The following RORA variants were observed in gnomAD, a reference collection of about 807,000 sequenced individuals.
RORA encodes the protein nuclear receptor ROR-alpha.
Under a neutral mutation model 69.5 loss-of-function variants are expected in RORA, and 7 were observed. The ratio of observed to expected loss-of-function variants is 0.10; its 90% CI spans 0.06 to 0.19. RORA has a LOEUF of 0.19. Among genes scored for constraint, RORA ranks in the 10% least tolerant of loss-of-function variants. RORA has a pLI of 1.00. For missense variants in RORA, 457 were observed against 663.0 expected (o/e 0.69, Z 3.41); for synonymous variants, 261 against 240.8 (o/e 1.08, Z -0.78).
At chr15:61,158,032 C>G (rs2079460645) in intron 1 of RORA, among the ~76,000 whole-genome samples, 1 of 152,116 alleles carries the variant, frequency 6.6e-6, no homozygotes, top group African/African-American at 2.4e-5. Flanking sequence ...GTGCCAAAGC[C>G]CAACCCCAGC....
chr15:60,904,330 G>A (rs1338747151), intron 1 of RORA, among the ~76,000 whole-genome samples: 1 of 152,134 alleles, frequency 6.6e-6, no homozygotes, highest in Non-Finnish European at 1.5e-5. Context: ...TTTGCATGGG[G>A]GCTAAGGAGC....
chr15:61,051,262 T>C (rs777557574), intron 1 of RORA, among the ~76,000 whole-genome samples: 3 of 152,066 alleles, frequency 2.0e-5, no homozygotes, highest in Non-Finnish European at 4.4e-5. Context: ...TTTTGACAAA[T>C]ATGTACATTT....
chr15:61,191,072 G>C (rs1215458093), intron 1 of RORA, among the ~76,000 whole-genome samples: 1 of 152,016 alleles, frequency 6.6e-6, no homozygotes, highest in African/African-American at 2.4e-5. Flanking sequence ...CATGTGGGAA[G>C]CAGCATTATA....
intron 2 of RORA, chr15:60,627,182 G>C (rs2069606156): frequency 6.7e-7 from 1 of 1,497,832 alleles, no homozygotes; most frequent in Admixed American, 1.7e-5. Context: ...GTGGGTGGTG[G>C]GGGGAGGGTA....
Position 60,494,986 on chromosome 15 carries a change from T to A in RORA, c.*2469A>T. The A allele has an allele frequency of 6.6e-6, 1 of 152,212 alleles. No homozygotes were observed. Among genetic ancestry groups the A allele is most frequent in the East Asian group, 1.9e-4 (1 of 5,204 alleles). The allele number at this position is 152,212 out of a possible 1,614,324, so 9.4% of individuals were successfully genotyped here. A position where few individuals can be genotyped will look rare whatever the true frequency, so the allele number is the denominator to read the frequency against. The stretch of plus-strand genomic sequence containing the variant: ...TAGGTTTAGTTGCTCTTTAATGCGC[T>A]AGCACCTGAGGCTGGTCATATTCAG... On this transcript the variant is annotated 3_prime_UTR_variant, in exon 11 of 11. Coordinates refer to ENST00000335670, the MANE Select transcript of RORA (RefSeq NM_134261.3).
At position 60,495,257 on chromosome 15, in the gene RORA, C is replaced by CTTACT; in HGVS notation, c.*2193_*2197dup. 1 of 152,246 alleles carries CTTACT rather than the reference C, an allele frequency of 6.6e-6. No individual in the cohort carries two copies. The highest frequency in any genetic ancestry group is 6.5e-5 in the Admixed American group (1 of 15,288). The allele number at this position is 152,246 out of a possible 1,614,324, so 9.4% of individuals were successfully genotyped here. On this transcript the variant is annotated 3_prime_UTR_variant, in exon 11 of 11. Coordinates refer to ENST00000335670, the MANE Select transcript of RORA (RefSeq NM_134261.3). ...ACTACTGATCTTTAAAGGAACTATG[C>CTTACT]TTACTTAAATTAAAGATTTGATTTA...
chr15:60,518,597 C>T (rs969875052), intron 3 of RORA, among the ~76,000 whole-genome samples: 1 of 152,236 alleles, frequency 6.6e-6, no homozygotes, highest in African/African-American at 2.4e-5. Context: ...GGCCCTTACG[C>T]TTCTCGCCAT....
At chr15:60,924,754 T>C (rs1297665345) in intron 1 of RORA, among the ~76,000 whole-genome samples, 1 of 152,180 alleles carries the variant, frequency 6.6e-6, no homozygotes, top group Non-Finnish European at 1.5e-5. Flanking sequence ...GGAGTGATTA[T>C]TGATAGGACA....
At chr15:60,649,488 C>G (rs2070108185) in intron 2 of RORA, among the ~76,000 whole-genome samples, 1 of 152,202 alleles carries the variant, frequency 6.6e-6, no homozygotes, top group Admixed American at 6.5e-5. Context: ...TCAGCCCTGA[C>G]ACGCCACTTC....
intron 1 of RORA, among the ~76,000 whole-genome samples, chr15:60,798,221 GACACACACACACACACACACACACACAC>G (rs34480684): frequency 7.5e-5 from 11 of 145,700 alleles, no homozygotes; most frequent in East Asian, 2.0e-4. Flanking sequence ...TTCCCCAACA[GACACACACACACACACACACACACACAC>G]ACACACACAC....
At chr15:61,116,350 T>C (rs1430542722) in intron 1 of RORA, among the ~76,000 whole-genome samples, 1 of 152,182 alleles carries the variant, frequency 6.6e-6, no homozygotes, top group East Asian at 1.9e-4. Context: ...CAAAACAGTA[T>C]AGGGCTTGGC....
Position 61,060,607 on chromosome 15 carries a change from C to A in RORA, c.166+168446G>T, listed in dbSNP as rs139890028. ...CTCAGGGAAACTGTGGACCCCCTCA[C>A]TGGGGTGAGGTTCTAGCTTTCTCAT... On this transcript the variant is annotated intron_variant, in intron 1 of 10. Transcript: ENST00000335670. 5.2e-3 allele frequency among the ~76,000 whole-genome samples: 785 copies of A among 152,276 alleles called. 5 individuals are homozygous for A. The highest frequency in any genetic ancestry group is 0.018 in the African/African-American group (750 of 41,542).
intron 1 of RORA, among the ~76,000 whole-genome samples, chr15:61,161,592 T>C (rs1465811): frequency 0.08 from 12,181 of 152,220 alleles, 781 homozygotes; most frequent in South Asian, 0.23. Flanking sequence ...TAATGTTTTA[T>C]TGTTTTGACT....
intron 1 of RORA, among the ~76,000 whole-genome samples, chr15:61,132,211 T>A (rs565423811): frequency 6.6e-6 from 1 of 152,358 alleles, no homozygotes; most frequent in East Asian, 1.9e-4. Flanking sequence ...ATTCAATTTG[T>A]TTTAATTTCC....
chr15:60,833,240 G>T (rs1595751787), intron 1 of RORA, among the ~76,000 whole-genome samples: 1 of 150,822 alleles, frequency 6.6e-6, no homozygotes, highest in Non-Finnish European at 1.5e-5. Flanking sequence ...TATTAAGACG[G>T]AGTCTCACTC....
At chr15:60,689,272 G>A (rs1327453912) in intron 1 of RORA, among the ~76,000 whole-genome samples, 1 of 152,172 alleles carries the variant, frequency 6.6e-6, no homozygotes, top group Non-Finnish European at 1.5e-5. Context: ...TTATCTGATG[G>A]CAATGCATCT....
chr15:60,643,956 A>G (rs28667109), intron 2 of RORA, among the ~76,000 whole-genome samples: 4,180 of 152,230 alleles, frequency 0.027, 197 homozygotes, highest in African/African-American at 0.096. Context: ...TCTGAGACTT[A>G]TTAGTAACCA....
At chr15:60,543,493 T>TC (rs1036277328) in intron 2 of RORA, among the ~76,000 whole-genome samples, 6 of 152,246 alleles carry the variant, frequency 3.9e-5, no homozygotes, top group African/African-American at 1.4e-4. Context: ...CTTTTTTTTT[T>TC]CTTTAGACAG....
At chr15:61,057,171 G>A (rs889169187) in intron 1 of RORA, among the ~76,000 whole-genome samples, 3 of 152,198 alleles carry the variant, frequency 2.0e-5, no homozygotes, top group African/African-American at 7.2e-5. Flanking sequence ...GAGAGAGGAA[G>A]GGAGAGAGAG....
Sources: allele counts gnomAD v4.1 joint callset (sites outside exome capture counted in the v4.1 genomes callset), GRCh38; gene constraint gnomAD v4.1.1; transcripts MANE v1.5; gene names NCBI Gene and HGNC (gene_info 2026-07-23, HGNC 2026-07-21).